TEX11: variants seen among roughly 807,000 people sequenced by gnomAD.
TEX11 encodes testis expressed 11, also known as testis-expressed protein 11.
In TEX11, 7 loss-of-function variants were observed where a neutral mutation model predicts 84.4. That is an observed-to-expected ratio of 0.08 (90% CI 0.05 to 0.16). The LOEUF is 0.16. Ranked by LOEUF, TEX11 falls within the 10% of genes least tolerant of loss-of-function variation. The pLI is 1.00. For synonymous variants in TEX11, 264 were observed against 222.8 expected (o/e 1.18, Z -1.64); for missense variants, 551 against 660.5 (o/e 0.83, Z 1.82).
chrX:70,885,403 C>T (rs1468183608), intron 2 of TEX11, among the ~76,000 whole-genome samples: 1 of 111,819 alleles, frequency 8.9e-6, no homozygotes, highest in Non-Finnish European at 1.9e-5. Flanking sequence ...GAGAGCAATG[C>T]ATGAACAAAG....
At chrX:70,569,126 A>T (rs1224194131) in intron 25 of TEX11, among the ~76,000 whole-genome samples, 1 of 110,596 alleles carries the variant, frequency 9.0e-6, no homozygotes, top group Admixed American at 9.7e-5. Context: ...TTCTTCTCTA[A>T]ACTTCCCTTC....
chrX:70,710,006 T>C (rs2090412216), intron 13 of TEX11, among the ~76,000 whole-genome samples: 1 of 110,930 alleles, frequency 9.0e-6, no homozygotes, highest in Admixed American at 9.7e-5. Flanking sequence ...TCACTATCTC[T>C]AGGTTTCTGA....
chrX:70,579,696 G>C (rs1379574018), intron 25 of TEX11, among the ~76,000 whole-genome samples: 1 of 111,604 alleles, frequency 9.0e-6, no homozygotes, highest in Non-Finnish European at 1.9e-5. Flanking sequence ...GATCTGAATA[G>C]ACATTTCTCA....
chrX:70,739,603 G>A (rs1285441984), intron 11 of TEX11, among the ~76,000 whole-genome samples: 2 of 109,267 alleles, frequency 1.8e-5, no homozygotes, highest in Admixed American at 2.0e-4. Flanking sequence ...GTAAAGATGG[G>A]GTTTCACCAT....
chrX:70,794,922 AGAGTCT>A (rs1406055377), intron 9 of TEX11, among the ~76,000 whole-genome samples: 1 of 107,237 alleles, frequency 9.3e-6, no homozygotes, highest in Non-Finnish European at 1.9e-5. Context: ...GGCTATGGGG[AGAGTCT>A]CCTTCTGCTT....
At chrX:70,519,083 C>T in the TEX11 span, among the ~76,000 whole-genome samples, 30 of 111,901 alleles carry the variant, frequency 2.7e-4, no homozygotes, top group African/African-American at 8.1e-4. Context: ...TAGTCTGTGT[C>T]TTTTAATTGG....
At chrX:70,652,867 C>CT (rs1169059859) in intron 16 of TEX11, among the ~76,000 whole-genome samples, 3 of 110,561 alleles carry the variant, frequency 2.7e-5, no homozygotes, top group Non-Finnish European at 5.7e-5. Flanking sequence ...TCTATACTTT[C>CT]TAGGATAGCC....
chrX:70,727,969 T>C (rs2090612440), intron 11 of TEX11, among the ~76,000 whole-genome samples: 1 of 112,637 alleles, frequency 8.9e-6, no homozygotes, highest in Non-Finnish European at 1.9e-5. Flanking sequence ...CCAACACAAT[T>C]ATTTAGTTTT....
chrX:70,560,531 G>C (rs1420860123), intron 25 of TEX11, among the ~76,000 whole-genome samples: 1 of 111,257 alleles, frequency 9.0e-6, no homozygotes, highest in Non-Finnish European at 1.9e-5. Context: ...TATTCTGGAA[G>C]TTGTCAAGCT....
chrX:70,858,455 A>G (rs186266535), intron 5 of TEX11, among the ~76,000 whole-genome samples: 7,100 of 107,972 alleles, frequency 0.066, 275 homozygotes, highest in Non-Finnish European at 0.11. Context: ...AAAAAAAAAA[A>G]AAGAAGAAGA....
intron 8 of TEX11, among the ~76,000 whole-genome samples, chrX:70,828,657 C>T (rs2091359646): frequency 9.1e-6 from 1 of 110,308 alleles, no homozygotes; most frequent in Non-Finnish European, 1.9e-5. Context: ...AGGGAAAGAG[C>T]TATGGGTAAG....
At chrX:70,889,601 T>C (rs2091727175) in intron 2 of TEX11, among the ~76,000 whole-genome samples, 1 of 111,330 alleles carries the variant, frequency 9.0e-6, no homozygotes, top group Non-Finnish European at 1.9e-5. Flanking sequence ...AATAGTACAA[T>C]AAGATATAAA....
At chrX:70,669,662 A>G (rs1317248293) in intron 16 of TEX11, among the ~76,000 whole-genome samples, 1 of 113,008 alleles carries the variant, frequency 8.8e-6, no homozygotes. Context: ...TGGAATCATT[A>G]CCCTTAATCA....
At chrX:70,741,245 A>G (rs1044314051) in intron 10 of TEX11, among the ~76,000 whole-genome samples, 2 of 111,506 alleles carry the variant, frequency 1.8e-5, no homozygotes, top group Non-Finnish European at 3.8e-5. Flanking sequence ...TAGCTATTTC[A>G]TAACAGTGAA....
intron 13 of TEX11, among the ~76,000 whole-genome samples, chrX:70,694,323 G>A (rs759607980): frequency 2.7e-5 from 3 of 111,637 alleles, no homozygotes; most frequent in East Asian, 2.8e-4. Context: ...TATTACAAGC[G>A]TGAGCCACCG....
intron 11 of TEX11, among the ~76,000 whole-genome samples, 187 bp from the exon 12 acceptor site, chrX:70,725,530 A>G (rs776052258): frequency 8.9e-6 from 1 of 112,181 alleles, no homozygotes; most frequent in East Asian, 2.8e-4. Context: ...TTTTCAATCT[A>G]AATGAAATAA....
intron 7 of TEX11, among the ~76,000 whole-genome samples, chrX:70,851,269 A>G (rs1706244771): frequency 8.9e-6 from 1 of 112,361 alleles, no homozygotes; most frequent in Non-Finnish European, 1.9e-5. Context: ...GAATAGAATC[A>G]AGAGTCCAGA....
chrX:70,552,310 T>C, intron 27 of TEX11, 64 bp from the exon 28 acceptor site: 2 of 1,164,995 alleles, frequency 1.7e-6, no homozygotes, highest in Non-Finnish European at 2.3e-6. Flanking sequence ...ATGGCTAAGA[T>C]AAGTAAAACC....
At position 70,763,804 on chromosome X, in the gene TEX11, A is replaced by G. The variant is rs899940428; in HGVS notation, c.693-19585T>C. Among the ~76,000 whole-genome samples the G allele has an allele frequency of 2.7e-5, 3 of 111,291 alleles. No individual in the cohort carries two copies. In the Admixed American group the frequency reaches 2.9e-4, roughly 11 times the overall value. On this transcript the variant is annotated intron_variant, in intron 9 of 29. Transcript: ENST00000374333. ...GAGGATATAACAATTTTAAATATATATGCACCCAACACTGGAGCACCCAGA... is the reference window on the plus strand; with the variant it reads ...GAGGATATAACAATTTTAAATATATGTGCACCCAACACTGGAGCACCCAGA...
Sources: allele counts gnomAD v4.1 joint callset (sites outside exome capture counted in the v4.1 genomes callset), GRCh38; gene constraint gnomAD v4.1.1; transcripts MANE v1.5; gene names NCBI Gene and HGNC (gene_info 2026-07-23, HGNC 2026-07-21).